The following PSMD14 variants were observed in gnomAD, a reference collection of about 807,000 sequenced individuals.
The protein encoded by PSMD14 is ubiquitin C-terminal hydrolase PSMD14.
In PSMD14, 7 loss-of-function variants were observed where a neutral mutation model predicts 41.2. The observed-to-expected ratio is 0.17, with a 90% CI of 0.10 to 0.32. The LOEUF (loss-of-function observed/expected upper bound fraction) is 0.32, where lower values mean the gene tolerates loss of function less well. Among genes scored for constraint, PSMD14 ranks in the 10% least tolerant of loss-of-function variants. The pLI is 1.00. For missense variants in PSMD14, 139 were observed against 375.6 expected (o/e 0.37, Z 5.21); for synonymous variants, 114 against 122.3 (o/e 0.93, Z 0.45).
intron 10 of PSMD14, among the ~76,000 whole-genome samples, chr2:161,401,609 C>A (rs1683880248): frequency 6.6e-6 from 1 of 152,158 alleles, no homozygotes; most frequent in South Asian, 2.1e-4. Context: ...ACCTTAACTA[C>A]AGTTTCTCTT....
chr2:161,348,465 G>C (rs1683075462), intron 3 of PSMD14, among the ~76,000 whole-genome samples: 1 of 152,162 alleles, frequency 6.6e-6, no homozygotes, highest in Non-Finnish European at 1.5e-5. Context: ...ATAATTTCAG[G>C]AAATTGAAAA....
At position 161,370,133 on chromosome 2, in the gene PSMD14, A is replaced by G. The variant is rs956388421; in HGVS notation, c.267A>G (p.Pro89=). The change falls in exon 6 of 12, where the codon CCA becomes CCG. Residue 89 remains proline, a synonymous_variant. Coordinates refer to ENST00000409682, the MANE Select transcript of PSMD14 (RefSeq NM_005805.6). ...GTGTCAGTGTGGAGGCAGTTGATCCAGTGTTCCAAGCTAAAATGTTGGATA... is the reference window on the plus strand; with the variant it reads ...GTGTCAGTGTGGAGGCAGTTGATCCGGTGTTCCAAGCTAAAATGTTGGATA... ...GTGVSVEAVD[P]VFQAKMLDML... 1.9e-5 allele frequency: 30 copies of G among 1,593,978 alleles called. No homozygotes were observed. Among genetic ancestry groups the G allele is most frequent in the Non-Finnish European group, 2.5e-5 (29 of 1,168,932 alleles).
intron 5 of PSMD14, among the ~76,000 whole-genome samples, chr2:161,368,987 A>G (rs1683396226): frequency 6.6e-6 from 1 of 151,972 alleles, no homozygotes; most frequent in Non-Finnish European, 1.5e-5. Flanking sequence ...CTTGATATCC[A>G]TTATATTTAT....
chr2:161,360,953 T>C (rs1683281679), intron 3 of PSMD14, among the ~76,000 whole-genome samples: 1 of 152,272 alleles, frequency 6.6e-6, no homozygotes, highest in Non-Finnish European at 1.5e-5. Context: ...TTGTCATAAA[T>C]GGGAAAACTA....
intron 5 of PSMD14, among the ~76,000 whole-genome samples, chr2:161,369,541 T>C (rs1683404886): frequency 6.6e-6 from 1 of 152,052 alleles, no homozygotes; most frequent in Non-Finnish European, 1.5e-5. Flanking sequence ...TTTCTTTAAG[T>C]ACATTAGATT....
intron 3 of PSMD14, among the ~76,000 whole-genome samples, chr2:161,348,735 G>A (rs1333860718): frequency 3.3e-5 from 5 of 152,306 alleles, no homozygotes; most frequent in African/African-American, 1.2e-4. Context: ...GACATCTGAG[G>A]ATATGGAGTA....
At chr2:161,363,155 G>A (rs1460784687) in intron 3 of PSMD14, among the ~76,000 whole-genome samples, 1 of 152,148 alleles carries the variant, frequency 6.6e-6, no homozygotes, top group Non-Finnish European at 1.5e-5. Context: ...ACCTATGTGA[G>A]GGATCTAGGT....
intron 11 of PSMD14, among the ~76,000 whole-genome samples, chr2:161,409,916 C>A (rs952041154): frequency 6.6e-6 from 1 of 151,872 alleles, no homozygotes; most frequent in African/African-American, 2.4e-5. Context: ...TTATTTTAAT[C>A]ATAATACTAG....
chr2:161,337,498 G>C (rs1217354808), intron 3 of PSMD14, among the ~76,000 whole-genome samples: 1 of 152,152 alleles, frequency 6.6e-6, no homozygotes, highest in East Asian at 1.9e-4. Context: ...GGTTAAGATA[G>C]GATTAAACCT....
chr2:161,336,275 T>A (rs1224919886), intron 3 of PSMD14, among the ~76,000 whole-genome samples: 1 of 152,220 alleles, frequency 6.6e-6, no homozygotes, highest in Non-Finnish European at 1.5e-5. Context: ...TTGTGGTGCC[T>A]TGCCTGTCAG....
chr2:161,329,607 G>A (rs1460963617), intron 3 of PSMD14, among the ~76,000 whole-genome samples: 1 of 151,986 alleles, frequency 6.6e-6, no homozygotes. Flanking sequence ...AGTAGAGAAG[G>A]GTCGAAAAAT....
At chr2:161,338,335 A>G (rs1454813773) in intron 3 of PSMD14, among the ~76,000 whole-genome samples, 2 of 79,268 alleles carry the variant, frequency 2.5e-5, no homozygotes, top group African/African-American at 1.1e-4. Flanking sequence ...AGGTAGGGTT[A>G]GGAGAGTTTT....
chr2:161,383,995 GAAA>G (rs1318680591), intron 7 of PSMD14: 2 of 151,278 alleles, frequency 1.3e-5, no homozygotes, highest in African/African-American at 4.8e-5. Flanking sequence ...AATATGTTTA[GAAA>G]AAAATTTTAA....
intron 7 of PSMD14, among the ~76,000 whole-genome samples, chr2:161,376,861 C>T (rs752123931): frequency 2.2e-4 from 34 of 151,804 alleles, no homozygotes; most frequent in Admixed American, 1.4e-3. Context: ...AAAATAAAAT[C>T]GAGGAATGAA....
At chr2:161,340,910 G>A in intron 3 of PSMD14, 3 of 1,613,894 alleles carry the variant, frequency 1.9e-6, no homozygotes, top group Non-Finnish European at 2.5e-6. Context: ...ATTTGAAGGA[G>A]AAGCCTTCTC....
chr2:161,369,909 G>A (rs992330022), intron 5 of PSMD14, among the ~76,000 whole-genome samples, 198 bp from the exon 6 acceptor site: 1 of 151,996 alleles, frequency 6.6e-6, no homozygotes, highest in African/African-American at 2.4e-5. Context: ...GGCTTAACTC[G>A]ATCGCCAACA....
intron 8 of PSMD14, 57 bp from the exon 9 acceptor site, chr2:161,391,047 A>G: frequency 7.2e-7 from 1 of 1,380,472 alleles, no homozygotes; most frequent in Non-Finnish European, 9.6e-7. Context: ...AGTTTCAAAC[A>G]TTTTTATTAG....
At chr2:161,358,225 C>T (rs1364173395) in intron 3 of PSMD14, among the ~76,000 whole-genome samples, 1 of 152,086 alleles carries the variant, frequency 6.6e-6, no homozygotes, top group Non-Finnish European at 1.5e-5. Flanking sequence ...GTGATTGACA[C>T]TCTGTAAATC....
intron 10 of PSMD14, among the ~76,000 whole-genome samples, chr2:161,405,966 G>A (rs1226626418): frequency 1.3e-5 from 2 of 152,080 alleles, no homozygotes; most frequent in African/African-American, 4.8e-5. Context: ...TGTTGGAGTA[G>A]CTCTAAGTAT....
Sources: gnomAD v4.1 joint callset for allele counts (sites outside exome capture counted in the v4.1 genomes callset) on GRCh38, gnomAD v4.1.1 for gene constraint, MANE v1.5 for transcripts, NCBI Gene and HGNC (gene_info 2026-07-23, HGNC 2026-07-21) for gene names.